SGTB: variants seen among roughly 807,000 people sequenced by gnomAD.
SGTB encodes small glutamine rich tetratricopeptide repeat co-chaperone beta, also known as small glutamine-rich tetratricopeptide repeat-containing protein beta.
Under a neutral mutation model 43.9 loss-of-function variants are expected in SGTB, and 19 were observed. The ratio of observed to expected loss-of-function variants is 0.43; its 90% CI spans 0.30 to 0.63. SGTB has a LOEUF of 0.63. Among genes scored for constraint, SGTB ranks in the 30% least tolerant of loss-of-function variants. The pLI is 0.12. For synonymous variants in SGTB, 116 were observed against 117.3 expected (o/e 0.99, Z 0.07); for missense variants, 304 against 358.9 (o/e 0.85, Z 1.24).
intron 5 of SGTB, among the ~76,000 whole-genome samples, chr5:65,688,746 T>C (rs777547822): frequency 4.3e-4 from 65 of 152,194 alleles, no homozygotes; most frequent in Non-Finnish European, 8.1e-4. Flanking sequence ...AGAACAATAA[T>C]ACCATGTGGA....
At chr5:65,695,931 G>A (rs528489831) in intron 5 of SGTB, among the ~76,000 whole-genome samples, 5 of 152,220 alleles carry the variant, frequency 3.3e-5, no homozygotes, top group Admixed American at 3.3e-4. Context: ...ACTGCCCAAG[G>A]TCATGTAGCT....
chr5:65,711,036 GTGCCTGGAGTCC>G (rs1486425958), intron 3 of SGTB, among the ~76,000 whole-genome samples: 1 of 150,792 alleles, frequency 6.6e-6, no homozygotes, highest in Non-Finnish European at 1.5e-5. Context: ...GTGGTGGCAC[GTGCCTGGAGTCC>G]CAGCTACTCG....
chr5:65,701,584 C>T (rs1483520053), intron 5 of SGTB, among the ~76,000 whole-genome samples: 3 of 151,292 alleles, frequency 2.0e-5, no homozygotes, highest in Non-Finnish European at 2.9e-5. Context: ...TAGGGCTCTG[C>T]TGTCTGATAT....
intron 4 of SGTB, among the ~76,000 whole-genome samples, chr5:65,705,191 C>A (rs1315644107): frequency 6.6e-6 from 1 of 152,030 alleles, no homozygotes; most frequent in Non-Finnish European, 1.5e-5. Flanking sequence ...GCCTGTAATC[C>A]CAACACTTTG....
chr5:65,674,259 T>G (rs1383981439), intron 8 of SGTB, among the ~76,000 whole-genome samples: 2 of 152,154 alleles, frequency 1.3e-5, no homozygotes, highest in Admixed American at 6.5e-5. Context: ...ACCCTCTGGA[T>G]GGATGCTATG....
At chr5:65,718,035 A>G (rs1047659974) in intron 2 of SGTB, among the ~76,000 whole-genome samples, 2 of 152,186 alleles carry the variant, frequency 1.3e-5, no homozygotes, top group Non-Finnish European at 2.9e-5. Flanking sequence ...TGGTTGGGTC[A>G]AAGAATAGCT....
intron 6 of SGTB, 86 bp downstream of exon 6, chr5:65,685,282 T>C (rs1757477418): frequency 2.7e-6 from 3 of 1,126,556 alleles, no homozygotes; most frequent in African/African-American, 1.5e-5. Context: ...GGGTAAAACA[T>C]TAAGCAGGAA....
intron 5 of SGTB, among the ~76,000 whole-genome samples, chr5:65,702,488 C>A (rs974699202): frequency 6.6e-6 from 1 of 152,110 alleles, no homozygotes; most frequent in Non-Finnish European, 1.5e-5. Context: ...GGAAATGCAG[C>A]CTATAGGGTT....
At chr5:65,677,959 C>T (rs1271149692) in intron 8 of SGTB, among the ~76,000 whole-genome samples, 1 of 152,224 alleles carries the variant, frequency 6.6e-6, no homozygotes, top group Non-Finnish European at 1.5e-5. Flanking sequence ...CTCATCACTC[C>T]TATTCAACAA....
At chr5:65,710,827 T>C (rs1215366698) in intron 3 of SGTB, among the ~76,000 whole-genome samples, 4 of 152,012 alleles carry the variant, frequency 2.6e-5, no homozygotes, top group Non-Finnish European at 2.9e-5. Context: ...CCGCCTCTAC[T>C]AAAAATACAA....
At chr5:65,704,044 AAAAAAAAAT>A (rs1427171477) in intron 5 of SGTB, among the ~76,000 whole-genome samples, 1 of 86,498 alleles carries the variant, frequency 1.2e-5, no homozygotes, top group African/African-American at 4.0e-5. Context: ...TCAAAAAAAA[AAAAAAAAAT>A]AAATAAATAA....
intron 3 of SGTB, among the ~76,000 whole-genome samples, chr5:65,710,561 C>G (rs58758328): frequency 0.031 from 4,642 of 152,190 alleles, 238 homozygotes; most frequent in African/African-American, 0.11. Flanking sequence ...ATATAACAAC[C>G]AAGTACACTT....
At chr5:65,679,005 AC>A (rs1213397723) in intron 8 of SGTB, among the ~76,000 whole-genome samples, 1 of 152,234 alleles carries the variant, frequency 6.6e-6, no homozygotes, top group Non-Finnish European at 1.5e-5. Context: ...ATCTAATTAA[AC>A]TAAAGAGTTT....
At chr5:65,722,518 A>AGGGAG, upstream of SGTB, 1 of 1,093,936 alleles carries the variant, frequency 9.1e-7, no homozygotes, top group African/African-American at 1.6e-5. Flanking sequence ...CGCCTCTCCG[A>AGGGAG]CGCTCCCGGG....
At chr5:65,704,522 T>C in intron 4 of SGTB, 144 bp from the exon 5 acceptor site, 4 of 516,874 alleles carry the variant, frequency 7.7e-6, no homozygotes, top group South Asian at 3.5e-5. Context: ...AAATTTTACA[T>C]TGTACTATAG....
At chr5:65,711,411 G>C (rs1434067740) in intron 3 of SGTB, among the ~76,000 whole-genome samples, 3 of 151,948 alleles carry the variant, frequency 2.0e-5, no homozygotes, top group African/African-American at 7.3e-5. Context: ...AATGGTGACA[G>C]TAGCTAAAGA....
At chr5:65,709,364 A>T (rs1309660086) in intron 3 of SGTB, among the ~76,000 whole-genome samples, 1 of 151,526 alleles carries the variant, frequency 6.6e-6, no homozygotes, top group Non-Finnish European at 1.5e-5. Flanking sequence ...AATTTCTTGT[A>T]TCTTTGCATA....
chr5:65,698,863 T>C (rs1004372040), intron 5 of SGTB, among the ~76,000 whole-genome samples: 2 of 152,144 alleles, frequency 1.3e-5, no homozygotes, highest in East Asian at 1.9e-4. Flanking sequence ...ATGGCCATTA[T>C]TAGAAAGTCA....
At position 65,708,432 on chromosome 5, in the gene SGTB, T is replaced by C. The variant is rs114458724; in HGVS notation, c.274+57A>G. On this transcript the variant is annotated intron_variant, in intron 4 of 10. Coordinates refer to ENST00000381007, the MANE Select transcript of SGTB (RefSeq NM_019072.3). ...TCAGAACTATATCAATTGACAGTAA[T>C]TTCCTCCAGTTTCAGAAAGCTTTAC... The C allele has an allele frequency of 1.8e-3, 2,686 of 1,459,202 alleles. 53 individuals carry two copies. The African/African-American group carries it at 0.032, about 17-fold the overall frequency. 90.4% of individuals were successfully genotyped at this position (1,459,202 alleles called of 1,614,324 possible).
Sources: allele counts gnomAD v4.1 joint callset (sites outside exome capture counted in the v4.1 genomes callset), GRCh38; gene constraint gnomAD v4.1.1; transcripts MANE v1.5; gene names NCBI Gene and HGNC (gene_info 2026-07-23, HGNC 2026-07-21).